The following FOXP1 variants were observed in gnomAD, a reference collection of about 807,000 sequenced individuals.
FOXP1 encodes forkhead box P1.
Under a neutral mutation model 98.2 loss-of-function variants are expected in FOXP1, and 15 were observed. The observed-to-expected ratio is 0.15, with a 90% CI of 0.10 to 0.24. The LOEUF is 0.24. FOXP1 is among the 10% of genes least tolerant of loss of function. The pLI, the probability that FOXP1 is intolerant of heterozygous loss-of-function variation, is 1.00. For missense variants in FOXP1, 633 were observed against 848.5 expected (o/e 0.75, Z 3.15); for synonymous variants, 371 against 314.5 (o/e 1.18, Z -1.90).
chr3:71,450,671 G>A (rs2086861267), intron 3 of FOXP1, among the ~76,000 whole-genome samples: 1 of 152,176 alleles, frequency 6.6e-6, no homozygotes, highest in Non-Finnish European at 1.5e-5. Context: ...CATAGGACAA[G>A]CTCCTGTCTA....
chr3:71,286,680 G>C (rs2072179995), intron 5 of FOXP1, among the ~76,000 whole-genome samples: 1 of 152,090 alleles, frequency 6.6e-6, no homozygotes, highest in African/African-American at 2.4e-5. Context: ...AAAATATCGA[G>C]GGAGAATTCA....
At chr3:71,528,185 C>T (rs535424567) in intron 2 of FOXP1, among the ~76,000 whole-genome samples, 8 of 151,960 alleles carry the variant, frequency 5.3e-5, no homozygotes, top group South Asian at 4.2e-4. Context: ...CACCTCCCGG[C>T]ATTTGTTCAG....
At chr3:71,457,729 T>C (rs868263266) in intron 3 of FOXP1, among the ~76,000 whole-genome samples, 4 of 152,184 alleles carry the variant, frequency 2.6e-5, no homozygotes, top group African/African-American at 9.7e-5. Flanking sequence ...GGGTCAAAAT[T>C]TGCAGTTGCT....
chr3:71,333,629 C>A (rs899081463), intron 4 of FOXP1: 3 of 151,978 alleles, frequency 2.0e-5, no homozygotes, highest in Non-Finnish European at 2.9e-5. Context: ...TTGAAGCCAG[C>A]CAGGGCAAGA....
chr3:71,272,827 C>A (rs929623381), intron 5 of FOXP1, among the ~76,000 whole-genome samples: 1 of 152,024 alleles, frequency 6.6e-6, no homozygotes, highest in Non-Finnish European at 1.5e-5. Flanking sequence ...CTGCAGATAC[C>A]TTTTCAAGGG....
chr3:71,431,093 C>G lies in FOXP1; in HGVS notation c.-168+62333G>C, dbSNP rs547077581. The stretch of plus-strand genomic sequence containing the variant: ...TGGAAGATGAGCCGGTGGACATGTC[C>G]CTTGCGTGCATGCAGCAAGCTCAGG... On this transcript the variant is annotated intron_variant, in intron 3 of 20. Coordinates refer to ENST00000649528, the MANE Select transcript of FOXP1 (RefSeq NM_001349338.3). Among the ~76,000 whole-genome samples the G allele has an allele frequency of 2.0e-5, 3 of 152,276 alleles. No homozygotes were observed. The East Asian group carries it at 5.8e-4, about 29-fold the overall frequency.
intron 5 of FOXP1, among the ~76,000 whole-genome samples, chr3:71,292,925 A>G (rs2072911758): frequency 6.6e-6 from 1 of 152,330 alleles, no homozygotes; most frequent in South Asian, 2.1e-4. Flanking sequence ...TTTAAAAGAT[A>G]CCACAAACTT....
chr3:71,160,102 C>A (rs1418442010), intron 6 of FOXP1, among the ~76,000 whole-genome samples: 1 of 152,228 alleles, frequency 6.6e-6, no homozygotes, highest in Non-Finnish European at 1.5e-5. Context: ...TCCCAATCAA[C>A]CAAAGGGCCG....
chr3:71,207,229 C>A (rs2064105198), intron 5 of FOXP1, among the ~76,000 whole-genome samples: 1 of 148,808 alleles, frequency 6.7e-6, no homozygotes, highest in Non-Finnish European at 1.5e-5. Context: ...AAGTGACCAA[C>A]AACCAGTTCA....
intron 7 of FOXP1, among the ~76,000 whole-genome samples, chr3:71,109,975 T>C (rs1305623750): frequency 6.6e-6 from 1 of 152,132 alleles, no homozygotes; most frequent in Non-Finnish European, 1.5e-5. Context: ...AGACATCTTC[T>C]TTACCAAAAC....
chr3:71,252,889 C>T (rs933353970), intron 5 of FOXP1, among the ~76,000 whole-genome samples: 1 of 152,180 alleles, frequency 6.6e-6, no homozygotes, highest in Non-Finnish European at 1.5e-5. Flanking sequence ...GCATAGGTTA[C>T]ACACAGTCAT....
At chr3:71,189,216 A>G (rs1282686402) in intron 6 of FOXP1, among the ~76,000 whole-genome samples, 1 of 150,570 alleles carries the variant, frequency 6.6e-6, no homozygotes, top group African/African-American at 2.5e-5. Flanking sequence ...CCTTAAAAAC[A>G]AAGTCATTAT....
chr3:71,255,304 T>C (rs2107113132), intron 5 of FOXP1, among the ~76,000 whole-genome samples: 1 of 152,286 alleles, frequency 6.6e-6, no homozygotes, highest in East Asian at 1.9e-4. Flanking sequence ...TGTCCCCATG[T>C]GCAACATAGA....
At chr3:71,370,707 C>T (rs923062731) in intron 3 of FOXP1, among the ~76,000 whole-genome samples, 3 of 151,980 alleles carry the variant, frequency 2.0e-5, no homozygotes, top group Non-Finnish European at 4.4e-5. Flanking sequence ...CACCCTATAA[C>T]GGGCTTCTCA....
At chr3:71,223,643 A>G (rs1180205974) in intron 5 of FOXP1, among the ~76,000 whole-genome samples, 1 of 149,180 alleles carries the variant, frequency 6.7e-6, no homozygotes, top group Admixed American at 6.7e-5. Context: ...TGCAGTGAGT[A>G]GAGATTGCAC....
At chr3:70,978,349 G>C (rs1397250453) in intron 14 of FOXP1, among the ~76,000 whole-genome samples, 1 of 147,528 alleles carries the variant, frequency 6.8e-6, no homozygotes, top group Non-Finnish European at 1.5e-5. Flanking sequence ...CTCACCTATA[G>C]GCTTTGATCG....
At chr3:71,427,969 A>G (rs543712725) in intron 3 of FOXP1, among the ~76,000 whole-genome samples, 29 of 152,244 alleles carry the variant, frequency 1.9e-4, no homozygotes, top group Non-Finnish European at 3.8e-4. Context: ...GAAAAAGATC[A>G]GCTCAAAACA....
intron 6 of FOXP1, among the ~76,000 whole-genome samples, chr3:71,193,588 A>G (rs1216322674): frequency 1.3e-5 from 2 of 151,992 alleles, no homozygotes; most frequent in Non-Finnish European, 2.9e-5. Context: ...AGCTGGGACT[A>G]CAATCGTGCA....
chr3:71,575,763 C>T (rs549161107), intron 2 of FOXP1, among the ~76,000 whole-genome samples: 2 of 152,298 alleles, frequency 1.3e-5, no homozygotes, highest in Admixed American at 6.5e-5. Context: ...TCATTGGATC[C>T]CTAAGCTCAA....
Sources: allele counts gnomAD v4.1 joint callset (sites outside exome capture counted in the v4.1 genomes callset), GRCh38; gene constraint gnomAD v4.1.1; transcripts MANE v1.5; gene names NCBI Gene and HGNC (gene_info 2026-07-23, HGNC 2026-07-21).